The following SLCO5A1 variants were observed in gnomAD, a reference collection of about 807,000 sequenced individuals.
The protein encoded by SLCO5A1 is organic anion transporter polypeptide-related protein 4.
Under a neutral mutation model 65.1 loss-of-function variants are expected in SLCO5A1, and 39 were observed. The ratio of observed to expected loss-of-function variants is 0.60; its 90% CI spans 0.46 to 0.78. The LOEUF (loss-of-function observed/expected upper bound fraction) is 0.78, where lower values mean the gene tolerates loss of function less well. Ranked by LOEUF, SLCO5A1 falls within the 30% of genes least tolerant of loss-of-function variation. The pLI, the probability that SLCO5A1 is intolerant of heterozygous loss-of-function variation, is 0.00. For synonymous variants in SLCO5A1, 438 were observed against 415.7 expected (o/e 1.05, Z -0.65); for missense variants, 1,029 against 1,069.4 (o/e 0.96, Z 0.53).
chr8:69,730,909 C>G lies in SLCO5A1; in HGVS notation c.1423+7131G>C, dbSNP rs1816308234. On this transcript the variant is annotated intron_variant, in intron 5 of 9. Transcript: ENST00000260126. ...GGGCCAAGAAAATACTAAAAATATT[C>G]AAGCATGTGAGATGGCTTGAATATA... 2.6e-5 allele frequency among the ~76,000 whole-genome samples: 4 copies of G among 152,046 alleles called. No homozygotes were observed. In the South Asian group the frequency reaches 8.3e-4, roughly 31 times the overall value.
In SLCO5A1 at chr8:69,682,238, T is replaced by C. The variant is rs373478210; in HGVS notation, c.1728A>G (p.Thr576=). 27 of 1,613,356 alleles carry C rather than the reference T, an allele frequency of 1.7e-5. No homozygotes were observed. The highest frequency in any genetic ancestry group is 2.2e-5 in the Non-Finnish European group (26 of 1,179,718). ...AGCCAGCCAGACAAGGGTTAAAGTA[T>C]GTAATTCCATCTGATCCACAGACTG... The part of the protein sequence containing the change: ...YEPVCGSDGI[T]YFNPCLAGCV... Residue 576 remains threonine, a synonymous_variant, in exon 7 of 10, where the codon ACA becomes ACG. Transcript: ENST00000260126.
At chr8:69,817,397 A>G (rs1162836104) in intron 2 of SLCO5A1, among the ~76,000 whole-genome samples, 1 of 152,202 alleles carries the variant, frequency 6.6e-6, no homozygotes, top group East Asian at 1.9e-4. Flanking sequence ...GCTGATGAAC[A>G]CTTGGCTTGC....
In SLCO5A1 at chr8:69,762,188, TTC is replaced by T. The variant is rs1372859466; in HGVS notation, c.908-315_908-314del. On this transcript the variant is annotated intron_variant, in intron 2 of 9. Transcript: ENST00000260126. Reference sequence around the variant, plus strand: ...TTTCTTTCTTTCTTTCTTTCTTTCTTTCTTTCTTTCTTTTTTGAGACAGAGTC... The same window carrying T: ...TTTCTTTCTTTCTTTCTTTCTTTCTTTTTCTTTCTTTTTTGAGACAGAGTC... Among the ~76,000 whole-genome samples, 424 of 126,264 alleles carry T rather than the reference TTC, an allele frequency of 3.4e-3. 8 individuals carry two copies. The highest frequency in any genetic ancestry group is 0.013 in the African/African-American group (406 of 31,914). 82.8% of individuals were successfully genotyped at this position (126,264 alleles called of 152,430 possible).
At chr8:69,682,987 G>A (rs1563658969) in intron 6 of SLCO5A1, among the ~76,000 whole-genome samples, 1 of 152,146 alleles carries the variant, frequency 6.6e-6, no homozygotes, top group East Asian at 1.9e-4. Context: ...GGATTGCCCC[G>A]GTGTGGATCC....
chr8:69,675,195 A>G (rs1438484431), intron 9 of SLCO5A1, among the ~76,000 whole-genome samples: 1 of 147,196 alleles, frequency 6.8e-6, no homozygotes, highest in East Asian at 2.0e-4. Flanking sequence ...TTTTTTTCAG[A>G]CAGAGTTCTG....
At chr8:69,809,090 C>A (rs1051182923) in intron 2 of SLCO5A1, among the ~76,000 whole-genome samples, 6 of 152,090 alleles carry the variant, frequency 3.9e-5, no homozygotes, top group African/African-American at 1.4e-4. Context: ...GACAAGAGAG[C>A]AACTCTGTCT....
chr8:69,736,328 A>G (rs916126412), intron 5 of SLCO5A1, among the ~76,000 whole-genome samples: 9 of 152,196 alleles, frequency 5.9e-5, no homozygotes, highest in African/African-American at 1.4e-4. Flanking sequence ...TTTATTTTCC[A>G]CAAGTTGTCT....
At chr8:69,711,635 T>A (rs1448216512) in intron 5 of SLCO5A1, among the ~76,000 whole-genome samples, 1 of 151,848 alleles carries the variant, frequency 6.6e-6, no homozygotes, top group Non-Finnish European at 1.5e-5. Flanking sequence ...GAGTCTGGGC[T>A]ATGTAGCCAG....
intron 2 of SLCO5A1, chr8:69,794,425 G>A: frequency 2.2e-6 from 1 of 448,796 alleles, no homozygotes; most frequent in East Asian, 5.8e-5. Flanking sequence ...GGACTAAGAA[G>A]GACTTCAGAA....
intron 6 of SLCO5A1, among the ~76,000 whole-genome samples, chr8:69,688,377 G>A (rs965872269): frequency 7.9e-5 from 12 of 151,916 alleles, no homozygotes; most frequent in African/African-American, 2.9e-4. Flanking sequence ...GGGTACATGT[G>A]CACAATGTGC....
At chr8:69,805,278 A>C (rs1219562982) in intron 2 of SLCO5A1, among the ~76,000 whole-genome samples, 1 of 152,134 alleles carries the variant, frequency 6.6e-6, no homozygotes, top group South Asian at 2.1e-4. Context: ...TCTCACAGGG[A>C]AATCCCAATG....
At chr8:69,797,488 G>T (rs1819551777) in intron 2 of SLCO5A1, among the ~76,000 whole-genome samples, 1 of 152,242 alleles carries the variant, frequency 6.6e-6, no homozygotes, top group Non-Finnish European at 1.5e-5. Context: ...CCGGTGAGCT[G>T]GGCGGAACAG....
At chr8:69,784,942 G>GAAAGAAAGAAAT (rs1818988294) in intron 2 of SLCO5A1, among the ~76,000 whole-genome samples, 1 of 117,370 alleles carries the variant, frequency 8.5e-6, no homozygotes, top group East Asian at 2.4e-4. Flanking sequence ...AAGAAAGAAA[G>GAAAGAAAGAAAT]AAAGAAAGAA....
At chr8:69,751,310 T>A (rs1817287835) in intron 4 of SLCO5A1, among the ~76,000 whole-genome samples, 1 of 152,174 alleles carries the variant, frequency 6.6e-6, no homozygotes. Flanking sequence ...TTTGATGGAA[T>A]CAATGCTAAT....
At chr8:69,824,134 G>C (rs916126316) in intron 2 of SLCO5A1, among the ~76,000 whole-genome samples, 47 of 152,042 alleles carry the variant, frequency 3.1e-4, no homozygotes, top group East Asian at 9.6e-4. Context: ...GCAGTGTGTA[G>C]AGGGAAATTT....
chr8:69,795,176 T>A (rs1819438618), intron 2 of SLCO5A1, among the ~76,000 whole-genome samples: 1 of 152,164 alleles, frequency 6.6e-6, no homozygotes, highest in South Asian at 2.1e-4. Context: ...TCTCACATCC[T>A]TCTCACATTG....
At chr8:69,825,633 CACAA>C (rs1481307963) in intron 2 of SLCO5A1, among the ~76,000 whole-genome samples, 1 of 151,898 alleles carries the variant, frequency 6.6e-6, no homozygotes, top group Non-Finnish European at 1.5e-5. Flanking sequence ...TAAAAGAGGA[CACAA>C]ACAAATGGAA....
At chr8:69,718,264 T>C (rs1468122646) in intron 5 of SLCO5A1, among the ~76,000 whole-genome samples, 1 of 152,222 alleles carries the variant, frequency 6.6e-6, no homozygotes, top group Non-Finnish European at 1.5e-5. Flanking sequence ...GTTGAACATA[T>C]TTATTAGTTC....
rs142116648 is a variant in SLCO5A1 at position 69,732,906 on chromosome 8, A to G, written c.1423+5134T>C. Among the ~76,000 whole-genome samples the G allele has an allele frequency of 2.0e-3, 311 of 152,222 alleles. 2 individuals carry two copies. In the East Asian group the frequency reaches 0.026, roughly 13 times the overall value. On this transcript the variant is annotated intron_variant, in intron 5 of 9. Transcript: ENST00000260126. ...CCGTCTAAAAAAAAAAAAATCACATAGAAATATTTATATACTCCAAGGAGT... is the reference window on the plus strand; with the variant it reads ...CCGTCTAAAAAAAAAAAAATCACATGGAAATATTTATATACTCCAAGGAGT...
Sources: allele counts gnomAD v4.1 joint callset (sites outside exome capture counted in the v4.1 genomes callset), GRCh38; gene constraint gnomAD v4.1.1; transcripts MANE v1.5; gene names NCBI Gene and HGNC (gene_info 2026-07-23, HGNC 2026-07-21).